SCOC: variants seen among roughly 807,000 people sequenced by gnomAD.
SCOC encodes short coiled coil protein.
A neutral mutation model predicts 9.9 loss-of-function variants in SCOC; 7 were observed. The ratio of observed to expected loss-of-function variants is 0.71; its 90% CI spans 0.40 to 1.33. The LOEUF (loss-of-function observed/expected upper bound fraction) is 1.33, where lower values mean the gene tolerates loss of function less well. SCOC is among the 40% of genes most tolerant of loss of function. The pLI, the probability that SCOC is intolerant of heterozygous loss-of-function variation, is 0.01. For missense variants in SCOC, 66 were observed against 89.7 expected (o/e 0.74, Z 1.07); for synonymous variants, 19 against 28.2 (o/e 0.67, Z 1.03).
At chr4:140,350,793 A>G (rs1303581806) in intron 2 of SCOC, among the ~76,000 whole-genome samples, 2 of 152,212 alleles carry the variant, frequency 1.3e-5, no homozygotes, top group African/African-American at 4.8e-5. Context: ...ATGAAATAAT[A>G]AAGATGGTGT....
At chr4:140,311,415 A>C (rs943901004) in intron 1 of SCOC, among the ~76,000 whole-genome samples, 14 of 152,252 alleles carry the variant, frequency 9.2e-5, no homozygotes, top group Admixed American at 6.5e-4. Context: ...TGTTGAGTGA[A>C]TCTATGTCAT....
intron 1 of SCOC, among the ~76,000 whole-genome samples, chr4:140,261,452 C>G (rs911857731): frequency 2.0e-5 from 3 of 152,220 alleles, no homozygotes; most frequent in African/African-American, 7.2e-5. Context: ...CCTTCCCATA[C>G]CCCAGACTTT....
At chr4:140,322,754 C>T (rs1732536241) in intron 1 of SCOC, among the ~76,000 whole-genome samples, 2 of 152,000 alleles carry the variant, frequency 1.3e-5, no homozygotes, top group Admixed American at 1.3e-4. Context: ...TCTCAGTCTG[C>T]CACGTAAAGA....
At chr4:140,320,532 A>C (rs761171225) in intron 1 of SCOC, among the ~76,000 whole-genome samples, 15 of 152,180 alleles carry the variant, frequency 9.9e-5, no homozygotes, top group Admixed American at 1.3e-4. Context: ...TAACACTAGC[A>C]TGAGAGTGTG....
At chr4:140,310,362 C>A (rs1258150524) in intron 1 of SCOC, among the ~76,000 whole-genome samples, 1 of 152,178 alleles carries the variant, frequency 6.6e-6, no homozygotes, top group Admixed American at 6.5e-5. Context: ...GGATAGCACT[C>A]TTCTTAGGAC....
chr4:140,382,912 G>C lies in SCOC; in HGVS notation c.*1808G>C, dbSNP rs1378906257. ...CAGTGGTTCCAAGGTCAGCATTGCA[G>C]GCTAGCAGCCCTTGTTCAAACAGTT... On this transcript the variant is annotated 3_prime_UTR_variant, in exon 4 of 4. Transcript: ENST00000608372. The C allele has an allele frequency of 2.6e-5, 4 of 152,242 alleles. No individual in the cohort carries two copies. Among genetic ancestry groups the C allele is most frequent in the Non-Finnish European group, 4.4e-5 (3 of 68,048 alleles). 9.4% of individuals were successfully genotyped at this position (152,242 alleles called of 1,614,324 possible). A position where few individuals can be genotyped will look rare whatever the true frequency, so the allele number is the denominator to read the frequency against.
rs866048707 is a variant in SCOC at position 140,277,297 on chromosome 4, C to T, written c.-19+19887C>T. Among the ~76,000 whole-genome samples, 51 of 152,280 alleles carry T rather than the reference C, an allele frequency of 3.3e-4. No individual in the cohort carries two copies. The Middle Eastern group carries it at 0.014, about 41-fold the overall frequency. On this transcript the variant is annotated intron_variant, in intron 1 of 4. Transcript: ENST00000394205. The stretch of plus-strand genomic sequence containing the variant: ...ACCCACAACTAGGCTGCAGACCCCC[C>T]TCCCCACTGTATGAGTTGGGGGGGG...
At chr4:140,285,241 A>T in intron 1 of SCOC, 1 of 456,776 alleles carries the variant, frequency 2.2e-6, no homozygotes, top group Non-Finnish European at 4.4e-6. Flanking sequence ...TGCAATCGAC[A>T]TATCCTTGTA....
chr4:140,262,044 G>C (rs1730643755), intron 1 of SCOC, among the ~76,000 whole-genome samples: 1 of 152,200 alleles, frequency 6.6e-6, no homozygotes, highest in African/African-American at 2.4e-5. Flanking sequence ...GTTGAATTTA[G>C]TGTTTGAAAG....
chr4:140,343,833 A>G (rs1007541836), intron 2 of SCOC: 10 of 576,264 alleles, frequency 1.7e-5, no homozygotes, highest in African/African-American at 1.7e-4. Flanking sequence ...TTGAAAAAAT[A>G]TAGTTACAAA....
Position 140,294,050 on chromosome 4 carries a change from A to C in SCOC, c.-19+36640A>C, listed in dbSNP as rs923637998. ...CCTTTGGGTCCAAAACACATTAAAA[A>C]ACAAAATACAGAGACACTTGTAACC... On this transcript the variant is annotated intron_variant, in intron 1 of 4. Coordinates refer to the SCOC transcript ENST00000394205. Among the ~76,000 whole-genome samples, 8 of 152,198 alleles carry C rather than the reference A, an allele frequency of 5.3e-5. No homozygotes were observed. In the East Asian group the frequency reaches 1.5e-3, roughly 29 times the overall value.
At chr4:140,271,307 G>A (rs1463717652) in intron 1 of SCOC, among the ~76,000 whole-genome samples, 1 of 152,304 alleles carries the variant, frequency 6.6e-6, no homozygotes, top group East Asian at 1.9e-4. Context: ...GGGAAATGAT[G>A]TGATCACAAG....
chr4:140,354,952 C>T (rs1211088871), intron 2 of SCOC, among the ~76,000 whole-genome samples: 1 of 151,912 alleles, frequency 6.6e-6, no homozygotes, highest in Non-Finnish European at 1.5e-5. Flanking sequence ...AGTAACCCCA[C>T]ACTTTACTAA....
At chr4:140,378,461 A>G (rs1254408356) in intron 1 of SCOC, among the ~76,000 whole-genome samples, 1 of 152,030 alleles carries the variant, frequency 6.6e-6, no homozygotes, top group Non-Finnish European at 1.5e-5. Context: ...TTCAGTAGCC[A>G]CTCCATTAGA....
At chr4:140,346,636 T>C (rs939664397) in intron 2 of SCOC, among the ~76,000 whole-genome samples, 4 of 152,244 alleles carry the variant, frequency 2.6e-5, no homozygotes, top group Non-Finnish European at 5.9e-5. Context: ...CCTGGTAGTA[T>C]GGAGCAGTGA....
chr4:140,357,308 G>C (rs1727274520), intron 2 of SCOC, among the ~76,000 whole-genome samples: 1 of 152,142 alleles, frequency 6.6e-6, no homozygotes, highest in Non-Finnish European at 1.5e-5. Context: ...CAGGTGTACA[G>C]AGATTCTATT....
chr4:140,322,896 T>G (rs1190792130), intron 1 of SCOC, among the ~76,000 whole-genome samples: 1 of 152,118 alleles, frequency 6.6e-6, no homozygotes, highest in Non-Finnish European at 1.5e-5. Context: ...GAAGGCATTT[T>G]GGAGATCTTT....
chr4:140,366,208 G>A, intron 2 of SCOC: 2 of 702,970 alleles, frequency 2.8e-6, no homozygotes, highest in South Asian at 6.4e-5. Context: ...TTCCCAAATA[G>A]AACTTTTATT....
intron 2 of SCOC, among the ~76,000 whole-genome samples, chr4:140,360,474 C>T (rs9884525): frequency 0.96 from 145,682 of 152,290 alleles, 69,741 homozygotes; most frequent in African/African-American, 0.98. Context: ...GTTCTGTAAG[C>T]GTGAAGAGCC....
Sources: gnomAD v4.1 joint callset for allele counts (sites outside exome capture counted in the v4.1 genomes callset) on GRCh38, gnomAD v4.1.1 for gene constraint, MANE v1.5 for transcripts, NCBI Gene and HGNC (gene_info 2026-07-23, HGNC 2026-07-21) for gene names.